The following DCAF11 variants were observed in gnomAD, a reference collection of about 807,000 sequenced individuals.
DCAF11 encodes DDB1- and CUL4-associated factor 11.
Under a neutral mutation model 76.1 loss-of-function variants are expected in DCAF11, and 44 were observed. That is an observed-to-expected ratio of 0.58 (90% confidence interval 0.45 to 0.74). The LOEUF (loss-of-function observed/expected upper bound fraction) is 0.74, where lower values mean the gene tolerates loss of function less well. Ranked by LOEUF, DCAF11 falls within the 30% of genes least tolerant of loss-of-function variation. The pLI, the probability that DCAF11 is intolerant of heterozygous loss-of-function variation, is 0.00. For missense variants in DCAF11, 604 were observed against 709.4 expected, an observed-to-expected ratio of 0.85 and a Z score of 1.69; for synonymous variants, 258 against 255.0, an observed-to-expected ratio of 1.01 and a Z score of -0.11.
At chr14:24,122,123 A>C (rs1185748007) in intron 13 of DCAF11, 1 of 148,730 alleles carries the variant, frequency 6.7e-6, no homozygotes, top group African/African-American at 2.5e-5. Flanking sequence ...GTGCCACCGC[A>C]CTTCAGCCTG....
chr14:24,117,648 C>T lies in DCAF11; in HGVS notation c.412-20C>T. The T allele has an allele frequency of 6.2e-7, 1 of 1,613,240 alleles. No homozygotes were observed. Among genetic ancestry groups the T allele is most frequent in the Non-Finnish European group, 8.5e-7 (1 of 1,179,336 alleles). On this transcript the variant is annotated intron_variant, in intron 4 of 14. Transcript: ENST00000446197. This position sits in a 1 kb window ranked among gnomAD's most constrained non-coding sequence, Gnocchi z 4.3. ...GCCCTCTATTTCTGCTAGCAATATTCCCCAATCCCTTCCATTTAGAGAGAA... is the reference window on the plus strand; with the variant it reads ...GCCCTCTATTTCTGCTAGCAATATTTCCCAATCCCTTCCATTTAGAGAGAA...
intron 2 of DCAF11, 117 bp downstream of exon 2, chr14:24,115,866 T>C: frequency 1.5e-6 from 2 of 1,318,494 alleles, no homozygotes; most frequent in South Asian, 3.0e-5. Flanking sequence ...AGCTGTTCTG[T>C]TTGAGCTGAA....
chr14:24,121,675 C>T, intron 13 of DCAF11, 158 bp downstream of exon 13: 1 of 761,850 alleles, frequency 1.3e-6, no homozygotes, highest in Non-Finnish European at 2.0e-6. Flanking sequence ...AGAAACCATT[C>T]TATTTTTCAG....
intron 9 of DCAF11, 116 bp downstream of exon 9, chr14:24,119,329 C>A: frequency 7.2e-7 from 1 of 1,395,122 alleles, no homozygotes; most frequent in South Asian, 1.2e-5. Flanking sequence ...GACCTTCTCC[C>A]AAGGTCAGGA....
chr14:24,115,849 T>TCAGGA (rs2139008986), intron 2 of DCAF11, 100 bp downstream of exon 2: 2 of 1,445,832 alleles, frequency 1.4e-6, no homozygotes, highest in East Asian at 4.7e-5. Context: ...TGGGATTCGC[T>TCAGGA]CAGGACAGCT....
intron 11 of DCAF11, 99 bp from the exon 12 acceptor site, chr14:24,120,739 G>A (rs2139020060): frequency 6.9e-7 from 1 of 1,455,510 alleles, no homozygotes; most frequent in Non-Finnish European, 9.4e-7. Flanking sequence ...TAAAGCCAGA[G>A]GCCAGAGTTC....
intron 12 of DCAF11, 127 bp from the exon 13 acceptor site, chr14:24,121,238 A>G: frequency 7.6e-7 from 1 of 1,315,658 alleles, no homozygotes; most frequent in Non-Finnish European, 1.1e-6. Context: ...TAGGTGGAGA[A>G]AGAGCCACCA....
Position 24,123,434 on chromosome 14 carries a change from G to A in DCAF11, c.*125G>A. 1 of 1,394,712 alleles carries A rather than the reference G, an allele frequency of 7.2e-7. No individual in the cohort carries two copies. The highest frequency in any genetic ancestry group is 9.4e-7 in the Non-Finnish European group (1 of 1,061,762). 86.4% of individuals were successfully genotyped at this position (1,394,712 alleles called of 1,614,324 possible). On this transcript the variant is annotated 3_prime_UTR_variant, in exon 15 of 15. Coordinates refer to ENST00000446197, the MANE Select transcript of DCAF11 (RefSeq NM_025230.5). ...TTTGATGGGGAATAACATAAGCCTGGGCTCTGAGCCTCAGCTGAGCCCTGG... is the reference window on the plus strand; with the variant it reads ...TTTGATGGGGAATAACATAAGCCTGAGCTCTGAGCCTCAGCTGAGCCCTGG...
Position 24,115,745 on chromosome 14 carries a change from C to T in DCAF11, c.151C>T (p.Arg51Cys), listed in dbSNP as rs2037538681. 6.2e-7 allele frequency: 1 copy of T among 1,611,996 alleles called. No individual in the cohort carries two copies. Among genetic ancestry groups the T allele is most frequent in the African/African-American group, 1.3e-5 (1 of 74,908 alleles). Residue 51 changes from arginine to cysteine, a missense_variant, in exon 2 of 15, where the codon CGC becomes TGC. Arg to Cys is a radical substitution (Grantham distance 180). Transcript: ENST00000446197. ...GGCCCAGGTACTGGCCTATCTCCTC[C>T]GCAGGTAACTTACCCTCTGGTGTGA... ...DLAQVLAYLL[R>C]RGQVRLVQGG...
At position 24,117,883 on chromosome 14, in the gene DCAF11, T is replaced by G; in HGVS notation, c.476+151T>G. 1.0e-6 allele frequency: 1 copy of G among 982,702 alleles called. No homozygotes were observed. The allele number at this position is 982,702 out of a possible 1,614,324, so 60.9% of individuals were successfully genotyped here. ...TGAGAGTAAACAAAGTAGAAAAGTG[T>G]AGAAAATTGTAGAAATTTAGAGGAT... On this transcript the variant is annotated intron_variant, in intron 5 of 14. Transcript: ENST00000446197. This position sits in a 1 kb window ranked among gnomAD's most constrained non-coding sequence, Gnocchi z 4.3.
In DCAF11 at chr14:24,123,031, G is replaced by T; in HGVS notation, c.1460G>T (p.Arg487Leu). 1 of 1,614,162 alleles carries T rather than the reference G, an allele frequency of 6.2e-7. No individual in the cohort carries two copies. Among genetic ancestry groups the T allele is most frequent in the Non-Finnish European group, 8.5e-7 (1 of 1,180,026 alleles). ...CTGACCAACCACAAGGCCTGTGTGC[G>T]TGACGTCAGTTGGCACCCCTTTGAA... is the stretch of plus-strand genomic sequence containing the variant. ...KKLTNHKACVRDVSWHPFEEK... is the reference protein window; with the variant it reads ...KKLTNHKACVLDVSWHPFEEK... Residue 487 changes from arginine to leucine, a missense_variant, in exon 14 of 15, where the codon CGT (arginine) becomes CTT (leucine). By Grantham distance (102) the Arg-to-Leu change is moderately radical. Transcript: ENST00000446197.
At position 24,117,945 on chromosome 14, in the gene DCAF11, C is replaced by A; in HGVS notation, c.477-110C>A. The A allele has an allele frequency of 1.1e-6, 1 of 948,152 alleles. No individual in the cohort carries two copies. The highest frequency in any genetic ancestry group is 1.6e-6 in the Non-Finnish European group (1 of 618,272). 58.7% of individuals were successfully genotyped at this position (948,152 alleles called of 1,614,324 possible). A position where few individuals can be genotyped will look rare whatever the true frequency, so the allele number is the denominator to read the frequency against. ...TGAAAGACGGGATTGCACTCACAGCCAAAAGGGAAGAATGACTGTTCTGAT... is the reference window on the plus strand; with the variant it reads ...TGAAAGACGGGATTGCACTCACAGCAAAAAGGGAAGAATGACTGTTCTGAT... On this transcript the variant is annotated intron_variant, in intron 5 of 14. Transcript: ENST00000446197. The surrounding 1 kb of genome is among the most constrained non-coding windows in gnomAD (Gnocchi z 4.3).
intron 11 of DCAF11, among the ~76,000 whole-genome samples, chr14:24,120,339 G>A (rs527743815): frequency 1.3e-5 from 2 of 152,046 alleles, no homozygotes; most frequent in African/African-American, 2.4e-5. Flanking sequence ...GGCAGATCAC[G>A]AGGTCAGGAG....
Position 24,117,915 on chromosome 14 carries a change from A to G in DCAF11, c.477-140A>G. On this transcript the variant is annotated intron_variant, in intron 5 of 14. Transcript: ENST00000446197. This position sits in a 1 kb window ranked among gnomAD's most constrained non-coding sequence, Gnocchi z 4.3. ...TTGTAGAAATTTAGAGGATGGTGGA[A>G]TGGTTGAAAGACGGGATTGCACTCA... The G allele has an allele frequency of 1.1e-6, 1 of 878,550 alleles. No individual in the cohort carries two copies. The highest frequency in any genetic ancestry group is 1.8e-6 in the Non-Finnish European group (1 of 559,680). 54.4% of individuals were successfully genotyped at this position (878,550 alleles called of 1,614,324 possible).
At chr14:24,118,611 G>A in intron 7 of DCAF11, 77 bp downstream of exon 7, 1 of 1,598,360 alleles carries the variant, frequency 6.3e-7, no homozygotes, top group Admixed American at 1.7e-5. Context: ...CTCTGAGCCA[G>A]GATCCCTCAC....
At chr14:24,116,819 GAGT>G (rs2037584476) in intron 2 of DCAF11, 95 bp from the exon 3 acceptor site, 1 of 1,551,894 alleles carries the variant, frequency 6.4e-7, no homozygotes, top group African/African-American at 1.4e-5. Context: ...ACCTCAAAAT[GAGT>G]ACCAAGTGGT....
chr14:24,118,302 C>T, intron 6 of DCAF11, 86 bp from the exon 7 acceptor site: 2 of 1,600,970 alleles, frequency 1.2e-6, no homozygotes, highest in South Asian at 2.2e-5. Context: ...GGGAAGACTC[C>T]ACAGGTACAC....
At chr14:24,120,380 C>T (rs1050606408) in intron 11 of DCAF11, among the ~76,000 whole-genome samples, 1 of 151,840 alleles carries the variant, frequency 6.6e-6, no homozygotes, top group African/African-American at 2.4e-5. Flanking sequence ...CATGGTGAAA[C>T]CCCGTCTCTA....
Position 24,118,809 on chromosome 14 carries a change from T to C in DCAF11, c.779+5T>C, listed in dbSNP as rs779504221. 31 of 1,613,916 alleles carry C rather than the reference T, an allele frequency of 1.9e-5. No individual in the cohort carries two copies. The South Asian group carries it at 3.2e-4, about 17-fold the overall frequency. The stretch of plus-strand genomic sequence containing the variant: ...ACACACTGCCCTGGATCTCAGGTAC[T>C]GGCTTCCCTTTCTGGTCAGACTCAT... On this transcript the variant is annotated splice_donor_5th_base_variant and intron_variant, in intron 8 of 14. Transcript: ENST00000446197.
Sources: gnomAD v4.1 joint callset for allele counts (sites outside exome capture counted in the v4.1 genomes callset) on GRCh38, gnomAD v4.1.1 for gene constraint, Gnocchi (gnomAD v3.1) non-coding constraint, MANE v1.5 for transcripts, NCBI Gene and HGNC (gene_info 2026-07-23, HGNC 2026-07-21) for gene names.